SLC25A15: variants seen among roughly 807,000 people sequenced by gnomAD.
SLC25A15 encodes the protein mitochondrial ornithine transporter 1.
Under a neutral mutation model 32.3 loss-of-function variants are expected in SLC25A15, and 24 were observed. That is an observed-to-expected ratio of 0.74 (90% CI 0.54 to 1.04). The LOEUF is 1.04. SLC25A15 is among the 50% of genes least tolerant of loss of function. SLC25A15 has a pLI of 0.00. For missense variants in SLC25A15, 317 were observed against 374.5 expected, an observed-to-expected ratio of 0.85 and a Z score of 1.27; for synonymous variants, 132 against 142.1, an observed-to-expected ratio of 0.93 and a Z score of 0.51.
intron 6 of SLC25A15, among the ~76,000 whole-genome samples, chr13:40,808,932 CA>C (rs58015661): frequency 0.099 from 7,762 of 78,644 alleles, 148 homozygotes; most frequent in Middle Eastern, 0.16. Flanking sequence ...GACTCTGTCT[CA>C]AAAAAAAAAA....
chr13:40,806,176 T>G (rs1297653474), intron 4 of SLC25A15, among the ~76,000 whole-genome samples: 1 of 152,190 alleles, frequency 6.6e-6, no homozygotes, highest in Non-Finnish European at 1.5e-5. Flanking sequence ...AACTTTTTAT[T>G]GAAATAATAC....
chr13:40,793,372 C>G, intron 2 of SLC25A15, 91 bp downstream of exon 2: 1 of 1,126,960 alleles, frequency 8.9e-7, no homozygotes, highest in East Asian at 2.5e-5. Context: ...CATATTTTTA[C>G]TGTACCTTTT....
chr13:40,791,058 C>CT (rs899372991), intron 1 of SLC25A15, among the ~76,000 whole-genome samples: 7 of 151,944 alleles, frequency 4.6e-5, no homozygotes, highest in Non-Finnish European at 1.0e-4. Flanking sequence ...GTACTTGCCT[C>CT]TGTCTGTCTG....
chr13:40,807,510 C>T (rs1882242821), intron 5 of SLC25A15, 47 bp downstream of exon 5: 1 of 1,592,566 alleles, frequency 6.3e-7, no homozygotes, highest in African/African-American at 1.3e-5. Flanking sequence ...GGTGTTTGCT[C>T]CCTGCAGGTA....
chr13:40,793,097 C>T (rs1389321697), intron 1 of SLC25A15, 61 bp from the exon 2 acceptor site: 10 of 898,854 alleles, frequency 1.1e-5, no homozygotes, highest in Non-Finnish European at 5.4e-6. Flanking sequence ...AATTTGGCTG[C>T]AGGCCTAGAG....
intron 3 of SLC25A15, among the ~76,000 whole-genome samples, chr13:40,802,963 T>A (rs1251293656): frequency 5.9e-5 from 9 of 152,136 alleles, no homozygotes; most frequent in Admixed American, 5.9e-4. Context: ...CCACCCACCC[T>A]TAGGGGTTTT....
Position 40,804,091 on chromosome 13 carries a change from A to G in SLC25A15, c.315-1027A>G, listed in dbSNP as rs3783166. Among the ~76,000 whole-genome samples, 418 of 152,288 alleles carry G rather than the reference A, an allele frequency of 2.7e-3. 12 individuals carry two copies. The East Asian group carries it at 0.064, about 23-fold the overall frequency. Reference sequence around the variant, plus strand: ...CATTTCTCACAGTTCTATGGTCTGAAAAGTCTAATATCAAGGTTCCAGCAG... The same window carrying G: ...CATTTCTCACAGTTCTATGGTCTGAGAAGTCTAATATCAAGGTTCCAGCAG... On this transcript the variant is annotated intron_variant, in intron 3 of 6. Transcript: ENST00000338625.
intron 1 of SLC25A15, among the ~76,000 whole-genome samples, chr13:40,792,506 G>A (rs1412659110): frequency 1.3e-5 from 2 of 152,246 alleles, no homozygotes; most frequent in African/African-American, 2.4e-5. Flanking sequence ...AGATGCTTGC[G>A]CAGGGCCTTG....
Position 40,808,454 on chromosome 13 carries a change from G to A in SLC25A15, c.639G>A (p.Met213Ile), listed in dbSNP as rs267603823. The stretch of plus-strand genomic sequence containing the variant: ...TTTCTCTAGGCCCTGTACCTTTGAT[G>A]TTAAGTGGTGGAGTTGGTGGGATTT... Reference protein sequence around the residue: ...SKDELGPVPLMLSGGVGGICL... With the variant: ...SKDELGPVPLILSGGVGGICL... Residue 213 changes from methionine (M) to isoleucine (I), a missense_variant, in exon 6 of 7, where the codon ATG becomes ATA. Met to Ile is a conservative substitution (Grantham distance 10). Transcript: ENST00000338625. The A allele has an allele frequency of 1.2e-6, 2 of 1,613,254 alleles. No homozygotes were observed. The highest frequency in any genetic ancestry group is 1.3e-5 in the African/African-American group (1 of 74,798).
chr13:40,805,203 C>A lies in SLC25A15; in HGVS notation c.400C>A (p.Leu134Met). ...CCCCACGGAGCTCGTGAAGTGCCGGCTGCAGACCATGTATGAGATGGAGAC... is the reference window on the plus strand; with the variant it reads ...CCCCACGGAGCTCGTGAAGTGCCGGATGCAGACCATGTATGAGATGGAGAC... Reference protein sequence around the residue: ...LCPTELVKCRLQTMYEMETSG... With the variant: ...LCPTELVKCRMQTMYEMETSG... The change falls in exon 4 of 7, where the codon CTG becomes ATG. Residue 134 changes from leucine (L) to methionine (M), a missense_variant. Coordinates refer to ENST00000338625, the MANE Select transcript of SLC25A15 (RefSeq NM_014252.4). 1 of 1,614,198 alleles carries A rather than the reference C, an allele frequency of 6.2e-7. No individual in the cohort carries two copies.
intron 6 of SLC25A15, among the ~76,000 whole-genome samples, chr13:40,809,210 A>G (rs1882338184): frequency 6.6e-6 from 1 of 152,192 alleles, no homozygotes; most frequent in African/African-American, 2.4e-5. Flanking sequence ...GCCCAGGTGA[A>G]GCTGCAAAGC....
At chr13:40,796,091 G>T (rs1004907812) in intron 2 of SLC25A15, among the ~76,000 whole-genome samples, 4 of 152,184 alleles carry the variant, frequency 2.6e-5, no homozygotes, top group African/African-American at 9.7e-5. Flanking sequence ...CCATTGATAG[G>T]AGCAGAGGAC....
intron 1 of SLC25A15, among the ~76,000 whole-genome samples, chr13:40,790,051 G>A (rs1304958049): frequency 6.6e-6 from 1 of 152,186 alleles, no homozygotes; most frequent in Non-Finnish European, 1.5e-5. Flanking sequence ...GTTGGAAGTC[G>A]TCTCCCTGAC....
In SLC25A15 at chr13:40,805,139, C is replaced by T. The variant is rs371187770; in HGVS notation, c.336C>T (p.Ala112=). ...TCAGTGATCTGCAGAATGCAGCCGC[C>T]GGTTCCTTCGCCTCTGCCTTTGCTG... ...AKLSDLQNAA[A]GSFASAFAAL... The change falls in exon 4 of 7, where the codon GCC becomes GCT. Residue 112 remains alanine, a synonymous_variant. Transcript: ENST00000338625. The T allele has an allele frequency of 2.1e-5, 34 of 1,614,016 alleles. No individual in the cohort carries two copies. The highest frequency in any genetic ancestry group is 1.1e-4 in the East Asian group (5 of 44,892).
At chr13:40,800,729 G>C (rs772034537) in intron 3 of SLC25A15, among the ~76,000 whole-genome samples, 1 of 152,142 alleles carries the variant, frequency 6.6e-6, no homozygotes, top group Non-Finnish European at 1.5e-5. Flanking sequence ...CTTAGCCTGT[G>C]AACAAAGTGA....
chr13:40,790,609 C>T (rs990287063), intron 1 of SLC25A15, among the ~76,000 whole-genome samples: 6 of 152,100 alleles, frequency 3.9e-5, no homozygotes, highest in Non-Finnish European at 8.8e-5. Flanking sequence ...TTTTTTGAGA[C>T]GGAGTTTCGC....
chr13:40,809,827 C>T lies in SLC25A15; in HGVS notation c.*160C>T. The T allele has an allele frequency of 1.4e-6, 1 of 694,508 alleles. No homozygotes were observed. The highest frequency in any genetic ancestry group is 1.7e-5 in the South Asian group (1 of 60,254). The allele number at this position is 694,508 out of a possible 1,614,324, so 43.0% of individuals were successfully genotyped here. A position where few individuals can be genotyped will look rare whatever the true frequency, so the allele number is the denominator to read the frequency against. On this transcript the variant is annotated 3_prime_UTR_variant, in exon 7 of 7. Coordinates refer to ENST00000338625, the MANE Select transcript of SLC25A15 (RefSeq NM_014252.4). ...TACATCTTAAACTTTATGGAAGAAC[C>T]TCTATTTTGCATCATATCATTTCTG...
chr13:40,793,868 G>A (rs1343621182), intron 2 of SLC25A15, among the ~76,000 whole-genome samples: 2 of 152,234 alleles, frequency 1.3e-5, no homozygotes, highest in Non-Finnish European at 2.9e-5. Context: ...AAACAGCTCA[G>A]AGGTGAAGCC....
In SLC25A15 at chr13:40,807,409, G is replaced by A. The variant is rs747230863; in HGVS notation, c.568G>A (p.Gly190Ser). 14 of 1,614,160 alleles carry A rather than the reference G, an allele frequency of 8.7e-6. No individual in the cohort carries two copies. Among genetic ancestry groups the A allele is most frequent in the Non-Finnish European group, 1.0e-5 (12 of 1,180,034 alleles). Residue 190 changes from glycine to serine, a missense_variant, in exon 5 of 7, where the codon GGC becomes AGC. Physicochemically the swap from Gly to Ser is moderately conservative, Grantham distance 56. Coordinates refer to ENST00000338625, the MANE Select transcript of SLC25A15 (RefSeq NM_014252.4). ...ACCAGGCTATTTCTTCTTCTTCGGT[G>A]GCTATGAACTGAGCCGGTCCTTTTT... ...EVPGYFFFFG[G>S]YELSRSFFAS...
Sources: gnomAD v4.1 joint callset for allele counts (sites outside exome capture counted in the v4.1 genomes callset) on GRCh38, gnomAD v4.1.1 for gene constraint, MANE v1.5 for transcripts, NCBI Gene and HGNC (gene_info 2026-07-23, HGNC 2026-07-21) for gene names.